Variants in ASH1L observed in about 807,000 individuals in gnomAD.
The protein encoded by ASH1L is histone-lysine N-methyltransferase ASH1L.
A neutral mutation model predicts 269.0 loss-of-function variants in ASH1L; 23 were observed. The ratio of observed to expected loss-of-function variants is 0.09; its 90% confidence interval spans 0.06 to 0.12. The LOEUF is 0.12. ASH1L is among the 10% of genes least tolerant of loss of function. The pLI is 1.00. For missense variants in ASH1L, 2,912 were observed against 3,567.8 expected (o/e 0.82, Z 4.68); for synonymous variants, 1,187 against 1,253.5 (o/e 0.95, Z 1.12).
At chr1:155,470,480 CAAA>C in intron 3 of ASH1L, among the ~76,000 whole-genome samples, 1 of 148,434 alleles carries the variant, frequency 6.7e-6, no homozygotes, top group Admixed American at 6.7e-5. Context: ...CAAAAAAAAA[CAAA>C]AAAAAAAACT....
At chr1:155,376,418 AT>A (rs1254289080) in intron 10 of ASH1L, among the ~76,000 whole-genome samples, 24 of 152,108 alleles carry the variant, frequency 1.6e-4, no homozygotes, top group Non-Finnish European at 3.4e-4. Flanking sequence ...ATTCTTTTTT[AT>A]TTTGCTGCAC....
At chr1:155,521,673 C>T (rs1228429789) in intron 1 of ASH1L, 55 bp from the exon 2 acceptor site, 110 of 650,968 alleles carry the variant, frequency 1.7e-4, no homozygotes, top group South Asian at 4.7e-4. Flanking sequence ...TACTGATTAA[C>T]ATAAGTAATG....
intron 5 of ASH1L, among the ~76,000 whole-genome samples, chr1:155,422,288 C>A (rs1660752843): frequency 6.7e-6 from 1 of 149,868 alleles, no homozygotes; most frequent in Non-Finnish European, 1.5e-5. Context: ...AGGGTCACAC[C>A]ACCACGCCCA....
At chr1:155,545,328 C>T (rs1292737211) in intron 1 of ASH1L, among the ~76,000 whole-genome samples, 1 of 150,582 alleles carries the variant, frequency 6.6e-6, no homozygotes, top group Non-Finnish European at 1.5e-5. Context: ...CTATCCATTA[C>T]AAACTTTTAC....
In ASH1L at chr1:155,374,251, G is replaced by A. The variant is rs868752386; in HGVS notation, c.6333-3268C>T. On this transcript the variant is annotated intron_variant, in intron 10 of 27. Transcript: ENST00000392403. ...GAGGTAGGAGAATCGCTTGAACCTG[G>A]GAGGCAGAGGCTGCAGTGAGCCGAG... Among the ~76,000 whole-genome samples, 16 of 152,190 alleles carry A rather than the reference G, an allele frequency of 1.1e-4. 1 individual carries two copies. The highest frequency in any genetic ancestry group is 2.1e-4 in the South Asian group (1 of 4,828).
rs539491467 is a variant in ASH1L, at chr1:155,450,252, T to G, written c.5086+9545A>C. On this transcript the variant is annotated intron_variant, in intron 4 of 27. Coordinates refer to ENST00000392403, the MANE Select transcript of ASH1L (RefSeq NM_018489.3). ...CAATCGTTTTCCAGAAATTTGGTAA[T>G]AATGTCCTTTAATATGTCTATGTAT... 3.9e-5 allele frequency among the ~76,000 whole-genome samples: 6 copies of G among 152,366 alleles called. No individual in the cohort carries two copies. In the East Asian group the frequency reaches 1.2e-3, roughly 29 times the overall value.
chr1:155,478,239 G>C lies in ASH1L; in HGVS notation c.4631C>G (p.Ser1544Cys). 6.2e-7 allele frequency: 1 copy of C among 1,614,108 alleles called. No individual in the cohort carries two copies. ...TCTGTTTATTAAGCTTTTTGAAGGA[G>C]AGAGATGAGGGCAGGACATGTGACA... ...HRCHMSCPHL[S>C]PSKSLINREE... Residue 1544 changes from serine (S) to cysteine (C), a missense_variant, in exon 3 of 28, where the codon TCT becomes TGT. Coordinates refer to ENST00000392403, the MANE Select transcript of ASH1L (RefSeq NM_018489.3). This position sits in a 1 kb window ranked among gnomAD's most constrained non-coding sequence, Gnocchi z 4.6.
intron 2 of ASH1L, among the ~76,000 whole-genome samples, chr1:155,489,795 AAAATAAATAAATAAATAAAT>A (rs754645316): frequency 5.7e-5 from 8 of 141,498 alleles, no homozygotes; most frequent in African/African-American, 1.6e-4. Context: ...ACACTGTCTC[AAAATAAATAAATAAATAAAT>A]AAATAAATAA....
At chr1:155,356,550 G>A (rs1654401861) in intron 15 of ASH1L, among the ~76,000 whole-genome samples, 1 of 150,426 alleles carries the variant, frequency 6.6e-6, no homozygotes, top group South Asian at 2.1e-4. Context: ...CAGGAGAATG[G>A]TGTGAACCCA....
intron 2 of ASH1L, among the ~76,000 whole-genome samples, chr1:155,501,210 T>C (rs1667475604): frequency 6.6e-6 from 1 of 152,174 alleles, no homozygotes; most frequent in Non-Finnish European, 1.5e-5. Flanking sequence ...CTTCCTTATT[T>C]TTAAAATCAG....
At chr1:155,370,094 T>G (rs181158945) in intron 12 of ASH1L, 39 of 177,136 alleles carry the variant, frequency 2.2e-4, no homozygotes, top group Middle Eastern at 5.6e-3. Context: ...GTTTTTGATT[T>G]TTTCTTGCTA....
intron 4 of ASH1L, among the ~76,000 whole-genome samples, chr1:155,441,619 C>CAT (rs1009808594): frequency 3.3e-5 from 5 of 150,870 alleles, no homozygotes; most frequent in African/African-American, 1.2e-4. Context: ...CCCAGCATCA[C>CAT]ACCTGGCTAA....
chr1:155,523,494 G>C (rs774577313), intron 1 of ASH1L, among the ~76,000 whole-genome samples: 2 of 152,092 alleles, frequency 1.3e-5, no homozygotes, highest in Non-Finnish European at 2.9e-5. Context: ...CCTGTCTCAA[G>C]GGAAAAAATA....
chr1:155,415,683 C>G, intron 6 of ASH1L, 61 bp downstream of exon 6: 2 of 1,534,358 alleles, frequency 1.3e-6, no homozygotes, highest in Admixed American at 3.8e-5. Context: ...TTTTGATAGT[C>G]AAAGTATTTT....
At chr1:155,416,602 C>G (rs1660230462) in intron 5 of ASH1L, among the ~76,000 whole-genome samples, 1 of 152,112 alleles carries the variant, frequency 6.6e-6, no homozygotes, top group East Asian at 1.9e-4. Flanking sequence ...GTGGCATGAT[C>G]TCATCTCACT....
chr1:155,355,297 C>T (rs564635368), intron 15 of ASH1L, among the ~76,000 whole-genome samples: 37 of 152,208 alleles, frequency 2.4e-4, no homozygotes, highest in Admixed American at 4.6e-4. Context: ...GTGATCCACC[C>T]GCCTTGGCCT....
chr1:155,343,820 AGGGTC>A lies in ASH1L; in HGVS notation c.7982-83_7982-79del. ...TGTTAGGCATCTGTTTATCTGACTC[AGGGTC>A]TACATAGAACTCATAATCTGAAACA... On this transcript the variant is annotated intron_variant, in intron 22 of 27. Transcript: ENST00000392403. This position sits in a 1 kb window ranked among gnomAD's most constrained non-coding sequence, Gnocchi z 6.1. 6.6e-7 allele frequency: 1 copy of A among 1,526,530 alleles called. No homozygotes were observed. The highest frequency in any genetic ancestry group is 9.0e-7 in the Non-Finnish European group (1 of 1,114,672). The allele number at this position is 1,526,530 out of a possible 1,614,324, so 94.6% of individuals were successfully genotyped here. A position where few individuals can be genotyped will look rare whatever the true frequency, so the allele number is the denominator to read the frequency against.
In ASH1L at chr1:155,478,227, C is replaced by T. The variant is rs748149749; in HGVS notation, c.4643G>A (p.Ser1548Asn). ...MSCPHLSPSK[S>N]LINREEQWVH... Reference sequence around the variant, plus strand: ...CCACTGTTCCTCTCTGTTTATTAAGCTTTTTGAAGGAGAGAGATGAGGGCA... The same window carrying T: ...CCACTGTTCCTCTCTGTTTATTAAGTTTTTTGAAGGAGAGAGATGAGGGCA... Residue 1548 changes from serine to asparagine, a missense_variant, in exon 3 of 28, where the codon AGC becomes AAC. Physicochemically the swap from Ser to Asn is conservative, Grantham distance 46. Transcript: ENST00000392403. This position sits in a 1 kb window ranked among gnomAD's most constrained non-coding sequence, Gnocchi z 4.6. 4 of 1,614,062 alleles carry T rather than the reference C, an allele frequency of 2.5e-6. No individual in the cohort carries two copies. Among genetic ancestry groups the T allele is most frequent in the Non-Finnish European group, 3.4e-6 (4 of 1,180,010 alleles).
chr1:155,495,047 ATTTG>A (rs1354737875), intron 2 of ASH1L, among the ~76,000 whole-genome samples: 1 of 152,304 alleles, frequency 6.6e-6, no homozygotes, highest in East Asian at 1.9e-4. Flanking sequence ...GAGAACATAC[ATTTG>A]TTTGTTGGAT....
Sources: gnomAD v4.1 joint callset for allele counts (sites outside exome capture counted in the v4.1 genomes callset) on GRCh38, gnomAD v4.1.1 for gene constraint, Gnocchi (gnomAD v3.1) non-coding constraint, MANE v1.5 for transcripts, NCBI Gene and HGNC (gene_info 2026-07-23, HGNC 2026-07-21) for gene names.